Variants in SPSB1 observed in about 807,000 individuals in gnomAD.
SPSB1 encodes splA/ryanodine receptor domain and SOCS box containing 1.
Under a neutral mutation model 21.2 loss-of-function variants are expected in SPSB1, and 8 were observed. That is an observed-to-expected ratio of 0.38 (90% confidence interval 0.22 to 0.68). SPSB1 has a LOEUF of 0.68. Ranked by LOEUF, SPSB1 falls within the 30% of genes least tolerant of loss-of-function variation. The probability of loss-of-function intolerance (pLI) is 0.53; values close to 1 mark genes in which losing one functional copy is unlikely to be tolerated. For missense variants in SPSB1, 242 were observed against 377.8 expected, an observed-to-expected ratio of 0.64 and a Z score of 2.98; for synonymous variants, 169 against 161.7, an observed-to-expected ratio of 1.05 and a Z score of -0.34.
chr1:9,319,660 A>G (rs984263304), intron 1 of SPSB1, among the ~76,000 whole-genome samples: 3 of 152,034 alleles, frequency 2.0e-5, no homozygotes, highest in Non-Finnish European at 4.4e-5. Flanking sequence ...GGTGCAGAGG[A>G]TGCTGCGGGA....
At chr1:9,311,580 C>T (rs536547125) in intron 1 of SPSB1, among the ~76,000 whole-genome samples, 32 of 152,274 alleles carry the variant, frequency 2.1e-4, no homozygotes, top group African/African-American at 7.0e-4. Flanking sequence ...CTTGAACCAA[C>T]GCTTGAGCCA....
chr1:9,352,248 C>T (rs1640271132), intron 1 of SPSB1, among the ~76,000 whole-genome samples: 1 of 152,196 alleles, frequency 6.6e-6, no homozygotes, highest in South Asian at 2.1e-4. Context: ...GTGGATGTCC[C>T]ACGTCAAGGT....
Position 9,305,815 on chromosome 1 carries a change from T to C in SPSB1, c.-150+12744T>C, listed in dbSNP as rs1639401098. The stretch of plus-strand genomic sequence containing the variant: ...GAGGATACAAAGAATGAGGAAGCTT[T>C]CTCTGTCTAGTGGGTGAGACAGGCC... On this transcript the variant is annotated intron_variant, in intron 1 of 2. Transcript: ENST00000328089. The surrounding 1 kb of genome is among the most constrained non-coding windows in gnomAD (Gnocchi z 4.8). Among the ~76,000 whole-genome samples the C allele has an allele frequency of 6.6e-6, 1 of 152,156 alleles. No individual in the cohort carries two copies. Among genetic ancestry groups the C allele is most frequent in the Admixed American group, 6.5e-5 (1 of 15,276 alleles).
chr1:9,313,466 TCAAGCTGGACGCAGACC>T (rs1239472278), intron 1 of SPSB1, among the ~76,000 whole-genome samples: 3 of 152,140 alleles, frequency 2.0e-5, no homozygotes, highest in Non-Finnish European at 4.4e-5. Context: ...AGCCAAGAAC[TCAAGCTGGACGCAGACC>T]CAGGCAGTCT....
At position 9,355,775 on chromosome 1, in the gene SPSB1, C is replaced by T. The variant is rs1640351557; in HGVS notation, c.-117C>T. 6 of 1,490,654 alleles carry T rather than the reference C, an allele frequency of 4.0e-6. No homozygotes were observed. Among genetic ancestry groups the T allele is most frequent in the African/African-American group, 2.8e-5 (2 of 71,310 alleles). 92.3% of individuals were successfully genotyped at this position (1,490,654 alleles called of 1,614,324 possible). A position where few individuals can be genotyped will look rare whatever the true frequency, so the allele number is the denominator to read the frequency against. On this transcript the variant is annotated 5_prime_UTR_variant, in exon 2 of 3. Coordinates refer to ENST00000328089, the MANE Select transcript of SPSB1 (RefSeq NM_025106.4). The stretch of plus-strand genomic sequence containing the variant: ...TGAACACTGCGCAGCTTGCAGAGGT[C>T]TCCTGGCAGCCCTCATTAGGAATTC...
intron 1 of SPSB1, among the ~76,000 whole-genome samples, chr1:9,320,113 C>A (rs897376052): frequency 6.6e-6 from 1 of 152,160 alleles, no homozygotes; most frequent in Non-Finnish European, 1.5e-5. Flanking sequence ...GGTGTCCAGG[C>A]GTCTGCTTCT....
At chr1:9,359,573 G>A (rs980905757) in intron 2 of SPSB1, among the ~76,000 whole-genome samples, 2 of 151,918 alleles carry the variant, frequency 1.3e-5, no homozygotes, top group Non-Finnish European at 2.9e-5. Context: ...GTGGTGGCAT[G>A]CACCTGTAAT....
At chr1:9,318,281 C>G (rs1639647075) in intron 1 of SPSB1, among the ~76,000 whole-genome samples, 1 of 152,256 alleles carries the variant, frequency 6.6e-6, no homozygotes, top group African/African-American at 2.4e-5. Flanking sequence ...GCTTGGGTCT[C>G]TGCCCACCCA....
At position 9,305,844 on chromosome 1, in the gene SPSB1, C is replaced by A. The variant is rs1272639413; in HGVS notation, c.-150+12773C>A. On this transcript the variant is annotated intron_variant, in intron 1 of 2. Coordinates refer to ENST00000328089, the MANE Select transcript of SPSB1 (RefSeq NM_025106.4). The surrounding 1 kb of genome is among the most constrained non-coding windows in gnomAD (Gnocchi z 4.8). The stretch of plus-strand genomic sequence containing the variant: ...TGTCTAGTGGGTGAGACAGGCCCGT[C>A]TCTGCTGATGATAGCGCTCAGGGTA... 6.6e-6 allele frequency among the ~76,000 whole-genome samples: 1 copy of A among 152,174 alleles called. No homozygotes were observed. Among genetic ancestry groups the A allele is most frequent in the Non-Finnish European group, 1.5e-5 (1 of 68,040 alleles).
At chr1:9,329,180 C>T (rs1055547740) in intron 1 of SPSB1, among the ~76,000 whole-genome samples, 1 of 152,050 alleles carries the variant, frequency 6.6e-6, no homozygotes, top group Non-Finnish European at 1.5e-5. Flanking sequence ...GTGTGAGGGG[C>T]ACTGCAGGTG....
chr1:9,367,569 C>G lies in SPSB1; in HGVS notation c.816C>G (p.Tyr272Ter). 2 of 1,607,586 alleles carry G rather than the reference C, an allele frequency of 1.2e-6. No homozygotes were observed. Among genetic ancestry groups the G allele is most frequent in the Non-Finnish European group, 1.7e-6 (2 of 1,175,772 alleles). ...CTTCCCTCAAGGCCTACCTCCTCTA[C>G]CAGTGACGTTCGCCATCATACCGCC... ...LPASLKAYLLYQ is the reference protein window; with the variant it reads ...LPASLKAYLL Residue 272 changes from tyrosine (Y) to a stop codon, truncating the protein, a stop_gained, in exon 3 of 3, where the codon TAC becomes TAG. Transcript: ENST00000328089. LOFTEE classifies it high-confidence loss of function. The surrounding 1 kb of genome is among the most constrained non-coding windows in gnomAD (Gnocchi z 5.9).
rs778248519 is a variant in SPSB1 at position 9,356,558 on chromosome 1, C to T, written c.667C>T (p.Arg223Ter). 2.5e-6 allele frequency: 4 copies of T among 1,600,382 alleles called. No individual in the cohort carries two copies. The highest frequency in any genetic ancestry group is 3.4e-6 in the Non-Finnish European group (4 of 1,169,588). Reference protein sequence around the residue: ...VSAVWGHCEIRMRYLNGLDPE... With the variant: ...VSAVWGHCEI ...TGCCGTCTGGGGCCACTGTGAGATC[C>T]GAATGCGCTACTTGAACGGACTCGA... is the stretch of plus-strand genomic sequence containing the variant. The change falls in exon 2 of 3, where the codon CGA (arginine) becomes TGA (stop). Residue 223 changes from arginine (R) to a stop codon, truncating the protein, a stop_gained. Transcript: ENST00000328089. LOFTEE classifies it high-confidence loss of function. The surrounding 1 kb of genome is among the most constrained non-coding windows in gnomAD (Gnocchi z 7.4).
intron 1 of SPSB1, among the ~76,000 whole-genome samples, chr1:9,313,500 C>T (rs976751182): frequency 2.0e-5 from 3 of 152,204 alleles, no homozygotes; most frequent in African/African-American, 4.8e-5. Flanking sequence ...GTCTGTGCTC[C>T]GAACTGCTGC....
intron 1 of SPSB1, among the ~76,000 whole-genome samples, chr1:9,295,286 C>G (rs1639203080): frequency 6.6e-6 from 1 of 151,984 alleles, no homozygotes; most frequent in Admixed American, 6.6e-5. Flanking sequence ...AAGGCAATCA[C>G]TTTACAAGTC....
chr1:9,342,253 G>T (rs1395918531), intron 1 of SPSB1, among the ~76,000 whole-genome samples: 2 of 152,204 alleles, frequency 1.3e-5, no homozygotes, highest in Non-Finnish European at 2.9e-5. Flanking sequence ...AGACACCTGG[G>T]CTGTGCCAGG....
At chr1:9,354,563 A>G (rs1405199156) in intron 1 of SPSB1, among the ~76,000 whole-genome samples, 2 of 152,072 alleles carry the variant, frequency 1.3e-5, no homozygotes, top group Non-Finnish European at 2.9e-5. Flanking sequence ...CTTCCTGGCC[A>G]GCACTTTGGG....
rs1639152352 is a variant in SPSB1 at position 9,293,365 on chromosome 1, G to C, written c.-150+294G>C. ...GGGGGTCCCGGGGCGAGGCGCGGCGGGGGTCTCGGGGCGCGGGGACCGTCG... is the reference window on the plus strand; with the variant it reads ...GGGGGTCCCGGGGCGAGGCGCGGCGCGGGTCTCGGGGCGCGGGGACCGTCG... On this transcript the variant is annotated intron_variant, in intron 1 of 2. Transcript: ENST00000328089. The surrounding 1 kb of genome is among the most constrained non-coding windows in gnomAD (Gnocchi z 5.1). Among the ~76,000 whole-genome samples the C allele has an allele frequency of 6.6e-6, 1 of 151,146 alleles. No homozygotes were observed. The highest frequency in any genetic ancestry group is 2.1e-4 in the South Asian group (1 of 4,822).
intron 1 of SPSB1, among the ~76,000 whole-genome samples, chr1:9,315,343 G>T (rs1639595936): frequency 6.6e-6 from 1 of 152,240 alleles, no homozygotes; most frequent in Non-Finnish European, 1.5e-5. Flanking sequence ...CCACAGGAAG[G>T]CATCGCAGCA....
At chr1:9,294,225 C>T (rs1314299692) in intron 1 of SPSB1, among the ~76,000 whole-genome samples, 2 of 147,584 alleles carry the variant, frequency 1.4e-5, no homozygotes, top group East Asian at 2.0e-4. Flanking sequence ...TGTGTCTTTG[C>T]GTGTGTGTGT....
Sources: gnomAD v4.1 joint callset for allele counts (sites outside exome capture counted in the v4.1 genomes callset) on GRCh38, gnomAD v4.1.1 for gene constraint, Gnocchi (gnomAD v3.1) non-coding constraint, MANE v1.5 for transcripts, NCBI Gene and HGNC (gene_info 2026-07-23, HGNC 2026-07-21) for gene names.